The following HEATR5B variants were observed in gnomAD, a reference collection of about 807,000 sequenced individuals.
HEATR5B encodes HEAT repeat-containing protein 5B.
In HEATR5B, 156 loss-of-function variants were observed where a neutral mutation model predicts 224.1. The observed-to-expected ratio is 0.70, with a 90% CI of 0.61 to 0.80. The LOEUF (loss-of-function observed/expected upper bound fraction) is 0.80. Among genes scored for constraint, HEATR5B ranks in the 30% least tolerant of loss-of-function variants. The pLI is 0.00. For synonymous variants in HEATR5B, 1,027 were observed against 893.0 expected, an observed-to-expected ratio of 1.15 and a Z score of -2.68; for missense variants, 2,323 against 2,535.5, an observed-to-expected ratio of 0.92 and a Z score of 1.80.
intron 16 of HEATR5B, among the ~76,000 whole-genome samples, chr2:37,054,165 T>C (rs1378191234): frequency 4.8e-5 from 7 of 146,974 alleles, no homozygotes; most frequent in Admixed American, 4.1e-4. Flanking sequence ...AAAAAAAAAA[T>C]CCATGGCCAT....
intron 33 of HEATR5B, among the ~76,000 whole-genome samples, chr2:36,994,205 T>C (rs925967150): frequency 6.6e-6 from 1 of 152,198 alleles, no homozygotes; most frequent in African/African-American, 2.4e-5. Context: ...TGGCAAAATG[T>C]TGACAACTGG....
At chr2:37,079,464 G>A in intron 2 of HEATR5B, 133 bp from the exon 3 acceptor site, 1 of 516,576 alleles carries the variant, frequency 1.9e-6, no homozygotes, top group Middle Eastern at 5.2e-4. Context: ...CATAAACCGT[G>A]AGAATTTTCA....
At chr2:37,050,983 C>T (rs1256817284) in intron 17 of HEATR5B, among the ~76,000 whole-genome samples, 4 of 152,072 alleles carry the variant, frequency 2.6e-5, no homozygotes, top group Non-Finnish European at 5.9e-5. Context: ...AGAGATGAGA[C>T]TGCAGTGAGC....
chr2:37,032,904 G>C, intron 21 of HEATR5B, 131 bp from the exon 22 acceptor site: 2 of 761,698 alleles, frequency 2.6e-6, no homozygotes, highest in Non-Finnish European at 1.9e-6. Context: ...TTTTGAGACA[G>C]AGTTTTGCTC....
intron 4 of HEATR5B, chr2:37,076,001 AT>A (rs1317238885): frequency 6.5e-6 from 1 of 154,144 alleles, no homozygotes; most frequent in Non-Finnish European, 1.4e-5. Flanking sequence ...TAATATATAA[AT>A]GATCCAAAAA....
At chr2:37,043,585 C>T (rs1357115260) in intron 18 of HEATR5B, among the ~76,000 whole-genome samples, 2 of 148,850 alleles carry the variant, frequency 1.3e-5, no homozygotes, top group Non-Finnish European at 3.0e-5. Context: ...CTTCTTATGA[C>T]TTTTTTGTTG....
chr2:37,006,924 A>T, intron 29 of HEATR5B, 126 bp downstream of exon 29: 1 of 834,548 alleles, frequency 1.2e-6, no homozygotes, highest in East Asian at 2.7e-5. Context: ...GGTGAGGTGA[A>T]AAATCCTTTC....
intron 14 of HEATR5B, among the ~76,000 whole-genome samples, chr2:37,057,893 A>G (rs1423926700): frequency 1.3e-5 from 2 of 152,200 alleles, no homozygotes; most frequent in Admixed American, 6.5e-5. Flanking sequence ...TAAATGTGAT[A>G]TGATTATTAT....
chr2:37,082,924 TAA>T (rs35197387), intron 2 of HEATR5B, among the ~76,000 whole-genome samples: 2 of 141,568 alleles, frequency 1.4e-5, no homozygotes, highest in Admixed American at 7.0e-5. Flanking sequence ...AAAAACAGAT[TAA>T]AAAAAAAAAA....
At chr2:37,038,912 G>GT (rs1288080888) in intron 20 of HEATR5B, among the ~76,000 whole-genome samples, 5 of 131,678 alleles carry the variant, frequency 3.8e-5, no homozygotes, top group African/African-American at 8.2e-5. Flanking sequence ...TGGGGTGGGG[G>GT]GGGTGGGGAA....
rs767611902 is a variant in HEATR5B at position 36,981,750 on chromosome 2, G to C, written c.5956C>G (p.Leu1986Val). The C allele has an allele frequency of 5.6e-6, 9 of 1,613,534 alleles. No homozygotes were observed. Among genetic ancestry groups the C allele is most frequent in the Non-Finnish European group, 6.8e-6 (8 of 1,179,802 alleles). Reference sequence around the variant, plus strand: ...GAGGCAAAAGAATTTTCATCCAGCAGGTAAGATATCAAAGTGGGAACTAAA... The same window carrying C: ...GAGGCAAAAGAATTTTCATCCAGCACGTAAGATATCAAAGTGGGAACTAAA... Reference protein sequence around the residue: ...ALLVPTLISYLLDENSFASAS... With the variant: ...ALLVPTLISYVLDENSFASAS... Residue 1986 changes from leucine to valine, a missense_variant, in exon 36 of 36, where the codon CTG becomes GTG. By Grantham distance (32) the Leu-to-Val change is conservative. Coordinates refer to ENST00000233099, the MANE Select transcript of HEATR5B (RefSeq NM_019024.3).
chr2:37,024,488 G>C (rs1467388434), intron 24 of HEATR5B, among the ~76,000 whole-genome samples: 1 of 152,094 alleles, frequency 6.6e-6, no homozygotes, highest in Non-Finnish European at 1.5e-5. Flanking sequence ...AAAACATCTT[G>C]TTGTACATGA....
At position 37,065,671 on chromosome 2, in the gene HEATR5B, G is replaced by A. The variant is rs534238943; in HGVS notation, c.1333+84C>T. The A allele has an allele frequency of 1.0e-5, 12 of 1,147,382 alleles. No individual in the cohort carries two copies. The East Asian group carries it at 2.9e-4, about 28-fold the overall frequency. The allele number at this position is 1,147,382 out of a possible 1,614,324, so 71.1% of individuals were successfully genotyped here. ...TCTGAAGTGCTAATGATGATGATAA[G>A]CAACTAATCAGGAATTAAATATCAA... On this transcript the variant is annotated intron_variant, in intron 9 of 35. Transcript: ENST00000233099.
rs565131818 is a variant in HEATR5B at position 37,078,971 on chromosome 2, T to C, written c.338+149A>G. On this transcript the variant is annotated intron_variant, in intron 3 of 35. Coordinates refer to ENST00000233099, the MANE Select transcript of HEATR5B (RefSeq NM_019024.3). Reference sequence around the variant, plus strand: ...TGCCTAAAATTTAACTATCTTCCCATCACAACTCGATCCACTTAGAGCTCT... The same window carrying C: ...TGCCTAAAATTTAACTATCTTCCCACCACAACTCGATCCACTTAGAGCTCT... 2.0e-5 allele frequency: 10 copies of C among 502,110 alleles called. No individual in the cohort carries two copies. In the East Asian group the frequency reaches 2.3e-4, roughly 11 times the overall value. The allele number at this position is 502,110 out of a possible 1,614,324, so 31.1% of individuals were successfully genotyped here. A position where few individuals can be genotyped will look rare whatever the true frequency, so the allele number is the denominator to read the frequency against.
At position 37,020,588 on chromosome 2, in the gene HEATR5B, G is replaced by C. The variant is rs180810183; in HGVS notation, c.4035+67C>G. 3,947 of 1,188,678 alleles carry C rather than the reference G, an allele frequency of 3.3e-3. 10 individuals carry two copies. Among genetic ancestry groups the C allele is most frequent in the Non-Finnish European group, 4.0e-3 (3,427 of 859,286 alleles). The allele number at this position is 1,188,678 out of a possible 1,614,324, so 73.6% of individuals were successfully genotyped here. Reference sequence around the variant, plus strand: ...AGTTCCAAATGCAGTCCTCCAGGAAGTCTGCACTTCTTCAGCAATCTTTCA... The same window carrying C: ...AGTTCCAAATGCAGTCCTCCAGGAACTCTGCACTTCTTCAGCAATCTTTCA... On this transcript the variant is annotated intron_variant, in intron 25 of 35. Transcript: ENST00000233099.
Position 37,068,751 on chromosome 2 carries a change from T to C in HEATR5B, c.1107A>G (p.Leu369=). ...FILRATVGSL[L]GEKAQIAAAK... is the part of the protein sequence containing the mutation. Reference sequence around the variant, plus strand: ...CAGCTGCAATCTGGGCTTTTTCACCTAGCAAACTGCCCACAGTAGCTCTTA... The same window carrying C: ...CAGCTGCAATCTGGGCTTTTTCACCCAGCAAACTGCCCACAGTAGCTCTTA... Residue 369 remains leucine, a synonymous_variant, in exon 8 of 36, where the codon CTA becomes CTG. Transcript: ENST00000233099. 18 of 1,614,148 alleles carry C rather than the reference T, an allele frequency of 1.1e-5. No homozygotes were observed. Among genetic ancestry groups the C allele is most frequent in the Non-Finnish European group, 1.5e-5 (18 of 1,180,000 alleles).
rs528022439 is a variant in HEATR5B, at chr2:37,066,634, C to T, written c.1178-724G>A. Among the ~76,000 whole-genome samples the T allele has an allele frequency of 2.8e-4, 43 of 152,180 alleles. 1 individual carries two copies. The East Asian group carries it at 7.7e-3, about 27-fold the overall frequency. On this transcript the variant is annotated intron_variant, in intron 8 of 35. Transcript: ENST00000233099. ...TGTTTGACAAGAGACAACCAAAGATCGCTTGCCAAACTACTAATTGAGAAT... is the reference window on the plus strand; with the variant it reads ...TGTTTGACAAGAGACAACCAAAGATTGCTTGCCAAACTACTAATTGAGAAT...
chr2:37,033,503 T>A (rs1405329470), intron 21 of HEATR5B, among the ~76,000 whole-genome samples: 2 of 152,126 alleles, frequency 1.3e-5, no homozygotes, highest in East Asian at 3.9e-4. Flanking sequence ...ACCATAATAT[T>A]TGAAAGCAAA....
At chr2:37,032,105 G>C (rs1321578775) in intron 22 of HEATR5B, among the ~76,000 whole-genome samples, 1 of 152,074 alleles carries the variant, frequency 6.6e-6, no homozygotes, top group Non-Finnish European at 1.5e-5. Context: ...CATCGCAAGA[G>C]GCTAACTACC....
Sources: gnomAD v4.1 joint callset for allele counts (sites outside exome capture counted in the v4.1 genomes callset) on GRCh38, gnomAD v4.1.1 for gene constraint, MANE v1.5 for transcripts, NCBI Gene and HGNC (gene_info 2026-07-23, HGNC 2026-07-21) for gene names.